DCC: variants seen among roughly 807,000 people sequenced by gnomAD.
DCC encodes the protein netrin receptor DCC.
Under a neutral mutation model 172.5 loss-of-function variants are expected in DCC, and 58 were observed. The ratio of observed to expected loss-of-function variants is 0.34; its 90% CI spans 0.27 to 0.42. DCC has a LOEUF of 0.42. Ranked by LOEUF, DCC falls within the 10% of genes least tolerant of loss-of-function variation. The pLI is 1.00. For synonymous variants in DCC, 709 were observed against 644.5 expected (o/e 1.10, Z -1.52); for missense variants, 1,740 against 1,791.0 (o/e 0.97, Z 0.51).
chr18:52,667,287 C>T (rs1359603942), intron 1 of DCC, among the ~76,000 whole-genome samples: 1 of 152,198 alleles, frequency 6.6e-6, no homozygotes. Flanking sequence ...TGATATATGC[C>T]AGTGACAATG....
chr18:52,398,915 C>A (rs1986334590), intron 1 of DCC, among the ~76,000 whole-genome samples: 1 of 151,918 alleles, frequency 6.6e-6, no homozygotes, highest in African/African-American at 2.4e-5. Context: ...CACTAAAGAA[C>A]TTACTCATGT....
chr18:52,817,991 A>C (rs547535803), intron 2 of DCC: 75 of 152,320 alleles, frequency 4.9e-4, no homozygotes, highest in African/African-American at 1.8e-3. Flanking sequence ...GAAATGCTAC[A>C]TGTCATTGTT....
intron 26 of DCC, among the ~76,000 whole-genome samples, chr18:53,496,973 C>T (rs1312446395): frequency 1.3e-5 from 2 of 152,128 alleles, no homozygotes; most frequent in African/African-American, 4.8e-5. Context: ...AACATATTGT[C>T]CCTTTAATGG....
At chr18:52,488,180 C>T (rs2030325441) in intron 1 of DCC, among the ~76,000 whole-genome samples, 1 of 152,098 alleles carries the variant, frequency 6.6e-6, no homozygotes, top group African/African-American at 2.4e-5. Context: ...TTTGTTTTCC[C>T]AGAATTATTC....
intron 12 of DCC, among the ~76,000 whole-genome samples, chr18:53,305,142 A>G (rs1427222619): frequency 6.6e-6 from 1 of 151,912 alleles, no homozygotes; most frequent in Non-Finnish European, 1.5e-5. Flanking sequence ...AGTCCATTAA[A>G]CCTCTTTTTC....
intron 1 of DCC, among the ~76,000 whole-genome samples, chr18:52,531,393 T>TA: frequency 6.6e-6 from 1 of 152,310 alleles, no homozygotes; most frequent in East Asian, 1.9e-4. Flanking sequence ...TGCCAAAACT[T>TA]AGTTAACACC....
intron 3 of DCC, among the ~76,000 whole-genome samples, chr18:52,909,436 A>G (rs1437536551): frequency 1.3e-5 from 2 of 152,158 alleles, no homozygotes; most frequent in Non-Finnish European, 2.9e-5. Flanking sequence ...GTAGATGTTA[A>G]TGAGAAATTT....
chr18:52,837,204 A>G (rs2038722288), intron 2 of DCC, among the ~76,000 whole-genome samples: 1 of 152,204 alleles, frequency 6.6e-6, no homozygotes, highest in South Asian at 2.1e-4. Context: ...CTGTGATGGT[A>G]GGATCTGCTG....
intron 12 of DCC, among the ~76,000 whole-genome samples, chr18:53,263,585 A>G (rs1257853369): frequency 6.6e-6 from 1 of 152,224 alleles, no homozygotes; most frequent in East Asian, 1.9e-4. Flanking sequence ...AGACTGGGAA[A>G]CATTATTAAT....
intron 1 of DCC, among the ~76,000 whole-genome samples, chr18:52,355,816 G>A (rs7241478): frequency 2.6e-5 from 4 of 152,224 alleles, no homozygotes; most frequent in South Asian, 2.1e-4. Context: ...TGCAGTTAGA[G>A]GAGAGAAACA....
intron 1 of DCC, among the ~76,000 whole-genome samples, chr18:52,719,827 G>C (rs1194152030): frequency 6.6e-6 from 1 of 152,152 alleles, no homozygotes; most frequent in Non-Finnish European, 1.5e-5. Context: ...GTGAGTTCAA[G>C]GGGCGGGATG....
intron 1 of DCC, among the ~76,000 whole-genome samples, chr18:52,518,271 C>A (rs1018520680): frequency 5.9e-5 from 9 of 152,102 alleles, no homozygotes; most frequent in Non-Finnish European, 1.3e-4. Flanking sequence ...GTCTGAGATT[C>A]CGTAAGAAAA....
At chr18:52,350,486 AC>A (rs1339522886) in intron 1 of DCC, among the ~76,000 whole-genome samples, 2 of 152,002 alleles carry the variant, frequency 1.3e-5, no homozygotes, top group Non-Finnish European at 2.9e-5. Flanking sequence ...GAACATATGG[AC>A]ACAGGAAGGG....
intron 5 of DCC, among the ~76,000 whole-genome samples, chr18:52,939,543 C>G (rs2040429800): frequency 6.6e-6 from 1 of 152,164 alleles, no homozygotes; most frequent in Non-Finnish European, 1.5e-5. Context: ...TGATTTGTTA[C>G]CATCATCATC....
At chr18:53,377,161 C>A (rs1729377281) in intron 15 of DCC, among the ~76,000 whole-genome samples, 1 of 152,148 alleles carries the variant, frequency 6.6e-6, no homozygotes, top group Non-Finnish European at 1.5e-5. Context: ...AGACATGATA[C>A]CACTGTCTTA....
At chr18:52,395,658 C>A (rs750452308) in intron 1 of DCC, among the ~76,000 whole-genome samples, 2 of 152,012 alleles carry the variant, frequency 1.3e-5, no homozygotes, top group East Asian at 1.9e-4. Flanking sequence ...TGATACTTCT[C>A]GGGTTTCTCT....
At chr18:53,241,167 G>T (rs2056287392) in intron 12 of DCC, among the ~76,000 whole-genome samples, 1 of 152,164 alleles carries the variant, frequency 6.6e-6, no homozygotes. Context: ...GAGGTGTAAG[G>T]TGAAGTCTAA....
chr18:53,192,658 T>C (rs938535078), intron 9 of DCC, among the ~76,000 whole-genome samples: 10 of 151,966 alleles, frequency 6.6e-5, no homozygotes, highest in African/African-American at 2.4e-4. Context: ...AGAAGTAGGG[T>C]GTGAAATTAT....
intron 7 of DCC, among the ~76,000 whole-genome samples, chr18:53,082,805 G>C (rs1440414278): frequency 2.0e-5 from 3 of 151,946 alleles, no homozygotes; most frequent in Non-Finnish European, 4.4e-5. Context: ...CCTGGGATTA[G>C]TTAACTAGGA....
Sources: gnomAD v4.1 joint callset for allele counts (sites outside exome capture counted in the v4.1 genomes callset) on GRCh38, gnomAD v4.1.1 for gene constraint, MANE v1.5 for transcripts, NCBI Gene and HGNC (gene_info 2026-07-23, HGNC 2026-07-21) for gene names.